The following CPA6 variants were observed in gnomAD, a reference collection of about 807,000 sequenced individuals.
CPA6 encodes the protein carboxypeptidase A6, also known as carboxypeptidase B.
A neutral mutation model predicts 63.3 loss-of-function variants in CPA6; 58 were observed. The ratio of observed to expected loss-of-function variants is 0.92; its 90% CI spans 0.74 to 1.14. CPA6 has a LOEUF of 1.14. CPA6 is among the 50% of genes most tolerant of loss of function. The pLI, the probability that CPA6 is intolerant of heterozygous loss-of-function variation, is 0.00. For synonymous variants in CPA6, 185 were observed against 179.0 expected (o/e 1.03, Z -0.27); for missense variants, 565 against 526.6 (o/e 1.07, Z -0.71).
chr8:67,481,527 G>C (rs1347333777), intron 8 of CPA6, among the ~76,000 whole-genome samples: 1 of 152,102 alleles, frequency 6.6e-6, no homozygotes, highest in African/African-American at 2.4e-5. Context: ...ACTACCACAC[G>C]GGGATCCACA....
Position 67,428,079 on chromosome 8 carries a change from C to T in CPA6, c.1094G>A (p.Arg365Gln), listed in dbSNP as rs140854092. 136 of 1,613,236 alleles carry T rather than the reference C, an allele frequency of 8.4e-5. No homozygotes were observed. The highest frequency in any genetic ancestry group is 1.1e-4 in the Non-Finnish European group (127 of 1,179,348). The change falls in exon 10 of 11, where the codon CGA becomes CAA. Residue 365 changes from arginine (R) to glutamine (Q), a missense_variant. Arg to Gln is a conservative substitution (Grantham distance 43). Coordinates refer to ENST00000297770, the MANE Select transcript of CPA6 (RefSeq NM_020361.5). ...VNALQSVYGV[R>Q]YRYGPASTTL... ...TGTGGAGGCTGGTCCATATCTGTAT[C>T]GTACCCCGTATACTGACTGAAGTGC...
intron 8 of CPA6, among the ~76,000 whole-genome samples, chr8:67,465,914 T>C (rs1466640371): frequency 1.3e-5 from 2 of 152,156 alleles, no homozygotes; most frequent in Non-Finnish European, 2.9e-5. Context: ...CCTGTAGTTT[T>C]CTTTTTTCAT....
chr8:67,518,509 C>CTTTTTTTTTTTTTTTTTTTCTTTTTT (rs71554610), intron 2 of CPA6, among the ~76,000 whole-genome samples: 1 of 129,882 alleles, frequency 7.7e-6, no homozygotes, highest in Non-Finnish European at 1.6e-5. Flanking sequence ...CTTTTCTTTT[C>CTTTTTTTTTTTTTTTTTTTCTTTTTT]TTTTTTTTTT....
At chr8:67,652,094 T>C (rs1291637605) in intron 1 of CPA6, among the ~76,000 whole-genome samples, 1 of 152,228 alleles carries the variant, frequency 6.6e-6, no homozygotes, top group Non-Finnish European at 1.5e-5. Flanking sequence ...TATGGCTGCA[T>C]AGTATTCCAT....
At chr8:67,700,587 A>C (rs545039052) in intron 1 of CPA6, among the ~76,000 whole-genome samples, 1 of 152,342 alleles carries the variant, frequency 6.6e-6, no homozygotes, top group South Asian at 2.1e-4. Context: ...AAATGTATAA[A>C]GTTGGAGCAA....
intron 2 of CPA6, among the ~76,000 whole-genome samples, chr8:67,593,986 C>T (rs1363457635): frequency 6.6e-6 from 1 of 150,378 alleles, no homozygotes; most frequent in Non-Finnish European, 1.5e-5. Context: ...TCTCTATGGT[C>T]TTTACATTTT....
At chr8:67,503,870 A>T (rs1294721926) in intron 6 of CPA6, among the ~76,000 whole-genome samples, 3 of 152,014 alleles carry the variant, frequency 2.0e-5, no homozygotes, top group Non-Finnish European at 2.9e-5. Context: ...CTGCGCATGC[A>T]TTAGGTATTT....
chr8:67,624,644 T>C (rs1815157398), intron 1 of CPA6, among the ~76,000 whole-genome samples: 1 of 152,182 alleles, frequency 6.6e-6, no homozygotes, highest in Admixed American at 6.5e-5. Context: ...AAAAGGAATG[T>C]GACTTTCAGT....
intron 2 of CPA6, among the ~76,000 whole-genome samples, chr8:67,531,646 A>T (rs772186273): frequency 2.1e-4 from 32 of 152,168 alleles, no homozygotes; most frequent in Non-Finnish European, 4.4e-4. Flanking sequence ...AATAATCTGA[A>T]TGCATCCAAC....
At position 67,509,463 on chromosome 8, in the gene CPA6, A is replaced by C. The variant is rs1346724735; in HGVS notation, c.534+54T>G. On this transcript the variant is annotated intron_variant, in intron 5 of 10. Coordinates refer to ENST00000297770, the MANE Select transcript of CPA6 (RefSeq NM_020361.5). ...CTTTTCCCATAGGTTAAAGTTGAAAAAGATGGATATTTGGTAAACATTATG... is the reference window on the plus strand; with the variant it reads ...CTTTTCCCATAGGTTAAAGTTGAAACAGATGGATATTTGGTAAACATTATG... 4 of 852,886 alleles carry C rather than the reference A, an allele frequency of 4.7e-6. No homozygotes were observed. In the East Asian group the frequency reaches 1.0e-4, roughly 22 times the overall value. 52.8% of individuals were successfully genotyped at this position (852,886 alleles called of 1,614,324 possible). A position where few individuals can be genotyped will look rare whatever the true frequency, so the allele number is the denominator to read the frequency against.
chr8:67,608,496 G>A (rs1814724559), intron 2 of CPA6, among the ~76,000 whole-genome samples: 1 of 152,136 alleles, frequency 6.6e-6, no homozygotes, highest in Non-Finnish European at 1.5e-5. Context: ...CATCCATCTT[G>A]CTGAGAGCCA....
intron 1 of CPA6, among the ~76,000 whole-genome samples, chr8:67,633,579 G>A (rs1815393842): frequency 6.6e-6 from 1 of 151,762 alleles, no homozygotes; most frequent in Non-Finnish European, 1.5e-5. Flanking sequence ...TACTCGGGAG[G>A]CTGAGGCAGG....
At chr8:67,486,868 A>G (rs1454308082) in intron 6 of CPA6, among the ~76,000 whole-genome samples, 1 of 151,400 alleles carries the variant, frequency 6.6e-6, no homozygotes, top group African/African-American at 2.4e-5. Context: ...TGTTGACTTA[A>G]CAATTTTTTT....
chr8:67,667,454 A>AC (rs1816255377), intron 1 of CPA6, among the ~76,000 whole-genome samples: 1 of 151,838 alleles, frequency 6.6e-6, no homozygotes, highest in Admixed American at 6.6e-5. Flanking sequence ...TACAGGAAAG[A>AC]CCCCCATGCC....
At chr8:67,702,348 C>T (rs1004368655) in intron 1 of CPA6, among the ~76,000 whole-genome samples, 1 of 152,104 alleles carries the variant, frequency 6.6e-6, no homozygotes, top group African/African-American at 2.4e-5. Context: ...AACTTAAGGT[C>T]CTCATGATCC....
chr8:67,611,528 C>T (rs1208221502), intron 2 of CPA6, among the ~76,000 whole-genome samples: 1 of 152,126 alleles, frequency 6.6e-6, no homozygotes, highest in East Asian at 1.9e-4. Flanking sequence ...GGTGTTATTC[C>T]AGGTACCAAT....
At chr8:67,442,561 G>A (rs1036636040) in intron 8 of CPA6, among the ~76,000 whole-genome samples, 2 of 152,074 alleles carry the variant, frequency 1.3e-5, no homozygotes, top group African/African-American at 4.8e-5. Flanking sequence ...AAGTATAAAG[G>A]CAAGAGACAT....
intron 2 of CPA6, among the ~76,000 whole-genome samples, chr8:67,532,960 T>C (rs551118779): frequency 2.3e-4 from 35 of 152,316 alleles, no homozygotes; most frequent in Admixed American, 5.9e-4. Flanking sequence ...TTTAGATGTA[T>C]ACTTGTAAAT....
chr8:67,673,388 A>ATTT lies in CPA6; in HGVS notation c.117-49140_117-49138dup, dbSNP rs796416371. ...TTATTATTATTATTATTATTTATTT[A>ATTT]TTTTTTTTTTTTTGAGACTGAATCT... On this transcript the variant is annotated intron_variant, in intron 1 of 10. Transcript: ENST00000297770. Among the ~76,000 whole-genome samples, 743 of 133,992 alleles carry ATTT rather than the reference A, an allele frequency of 5.5e-3. 5 individuals are homozygous for ATTT. Among genetic ancestry groups the ATTT allele is most frequent in the African/African-American group, 0.019 (685 of 35,316 alleles). 87.9% of individuals were successfully genotyped at this position (133,992 alleles called of 152,430 possible). A position where few individuals can be genotyped will look rare whatever the true frequency, so the allele number is the denominator to read the frequency against.
Sources: gnomAD v4.1 joint callset for allele counts (sites outside exome capture counted in the v4.1 genomes callset) on GRCh38, gnomAD v4.1.1 for gene constraint, MANE v1.5 for transcripts, NCBI Gene and HGNC (gene_info 2026-07-23, HGNC 2026-07-21) for gene names.